CCT2: variants seen among roughly 807,000 people sequenced by gnomAD.
CCT2 encodes the protein chaperonin containing TCP1 subunit 2, also known as T-complex protein 1 subunit beta.
Under a neutral mutation model 61.8 loss-of-function variants are expected in CCT2, and 18 were observed. That is an observed-to-expected ratio of 0.29 (90% CI 0.20 to 0.43). The LOEUF (loss-of-function observed/expected upper bound fraction) is 0.43, where lower values mean the gene tolerates loss of function less well. Among genes scored for constraint, CCT2 ranks in the 20% least tolerant of loss-of-function variants. The pLI is 1.00. For synonymous variants in CCT2, 248 were observed against 215.9 expected (o/e 1.15, Z -1.30); for missense variants, 556 against 656.9 (o/e 0.85, Z 1.68).
Position 69,592,039 on chromosome 12 carries a change from T to A in CCT2, c.650-20T>A. The A allele has an allele frequency of 7.5e-7, 1 of 1,333,346 alleles. No homozygotes were observed. The highest frequency in any genetic ancestry group is 1.1e-6 in the Non-Finnish European group (1 of 927,438). 82.6% of individuals were successfully genotyped at this position (1,333,346 alleles called of 1,614,324 possible). On this transcript the variant is annotated intron_variant, in intron 7 of 15. Transcript: ENST00000299300. Reference sequence around the variant, plus strand: ...TGCTTTGAAGTATTAAATATGATACTGTTCTTATATTTATTGTAGGCTTCC... The same window carrying A: ...TGCTTTGAAGTATTAAATATGATACAGTTCTTATATTTATTGTAGGCTTCC...
intron 6 of CCT2, among the ~76,000 whole-genome samples, chr12:69,588,817 A>G (rs1395931011): frequency 6.6e-6 from 1 of 152,240 alleles, no homozygotes; most frequent in Non-Finnish European, 1.5e-5. Context: ...TTGTCTTCCC[A>G]TGAAACCAGT....
chr12:69,593,627 G>A lies in CCT2; in HGVS notation c.982+14G>A, dbSNP rs749368597. 2.0e-6 allele frequency: 3 copies of A among 1,520,954 alleles called. No homozygotes were observed. The highest frequency in any genetic ancestry group is 2.3e-5 in the East Asian group (1 of 44,332). The allele number at this position is 1,520,954 out of a possible 1,614,324, so 94.2% of individuals were successfully genotyped here. ...CTCTTGTCACAGGTATGGAAAAAAG[G>A]TATTGTTTTCTAACAAACACAATAG... On this transcript the variant is annotated intron_variant, in intron 10 of 15. Coordinates refer to ENST00000299300, the MANE Select transcript of CCT2 (RefSeq NM_006431.3).
At position 69,592,129 on chromosome 12, in the gene CCT2, A is replaced by G. The variant is rs1335781494; in HGVS notation, c.720A>G (p.Ala240=). 1.9e-6 allele frequency: 3 copies of G among 1,586,604 alleles called. No individual in the cohort carries two copies. The African/African-American group carries it at 4.0e-5, about 21-fold the overall frequency. ...KRIENAKILI[A]NTGMDTDKIK... ...TTGAAAATGCTAAAATTCTTATTGC[A>G]AATACTGGTATGGATACAGACAAAA... Residue 240 remains alanine, a synonymous_variant, in exon 8 of 16, where the codon GCA becomes GCG. Coordinates refer to ENST00000299300, the MANE Select transcript of CCT2 (RefSeq NM_006431.3).
chr12:69,588,309 A>G (rs770712553), intron 6 of CCT2, 47 bp downstream of exon 6: 6 of 1,334,862 alleles, frequency 4.5e-6, no homozygotes, highest in Non-Finnish European at 6.5e-6. Flanking sequence ...GTGTTCTTTC[A>G]TAACATGCTT....
intron 15 of CCT2, 64 bp from the exon 16 acceptor site, chr12:69,601,231 A>G (rs190726265): frequency 1.7e-4 from 218 of 1,310,052 alleles, no homozygotes; most frequent in Middle Eastern, 3.8e-4. Context: ...TGTATTTAGT[A>G]TAATACTTTG....
intron 3 of CCT2, 104 bp downstream of exon 3, chr12:69,586,922 A>C: frequency 1.4e-6 from 1 of 704,040 alleles, no homozygotes; most frequent in African/African-American, 1.9e-5. Flanking sequence ...TAAAACGTTT[A>C]ATTATAAAAG....
In CCT2 at chr12:69,587,640, C is replaced by T. The variant is rs1257661164; in HGVS notation, c.256+24C>T. ...TGGTAAGTCTGAATATACTTTTTCACCAACCTAATAATACTGTTTGTTAAC... is the reference window on the plus strand; with the variant it reads ...TGGTAAGTCTGAATATACTTTTTCATCAACCTAATAATACTGTTTGTTAAC... On this transcript the variant is annotated intron_variant, in intron 4 of 15. Transcript: ENST00000299300. The T allele has an allele frequency of 3.6e-6, 5 of 1,370,030 alleles. No individual in the cohort carries two copies. In the African/African-American group the frequency reaches 5.7e-5, roughly 16 times the overall value. 84.9% of individuals were successfully genotyped at this position (1,370,030 alleles called of 1,614,324 possible). A position where few individuals can be genotyped will look rare whatever the true frequency, so the allele number is the denominator to read the frequency against.
At position 69,587,568 on chromosome 12, in the gene CCT2, A is replaced by G. The variant is rs1881703095; in HGVS notation, c.208A>G (p.Ile70Val). The G allele has an allele frequency of 1.2e-6, 2 of 1,613,794 alleles. No homozygotes were observed. Among genetic ancestry groups the G allele is most frequent in the Non-Finnish European group, 1.7e-6 (2 of 1,179,800 alleles). Reference protein sequence around the residue: ...SLMVTNDGATILKNIGVDNPA... With the variant: ...SLMVTNDGATVLKNIGVDNPA... ...TATGGTAACCAATGATGGTGCCACT[A>G]TTCTAAAAAACATTGGTGTTGACAA... Residue 70 changes from isoleucine to valine, a missense_variant, in exon 4 of 16, where the codon ATT becomes GTT. Around this residue, in one of 3 missense-constraint regions of CCT2, gnomAD observed 308 missense variants for 350.6 expected, o/e 0.88. Transcript: ENST00000299300.
intron 6 of CCT2, 26 bp downstream of exon 6, chr12:69,588,288 C>G (rs759340578): frequency 1.2e-5 from 17 of 1,464,942 alleles, no homozygotes; most frequent in African/African-American, 2.8e-5. Flanking sequence ...TACTACTGTT[C>G]TAAACATTTA....
chr12:69,586,097 CCT>C (rs996323228), intron 1 of CCT2, 171 bp from the exon 2 acceptor site: 2 of 1,205,840 alleles, frequency 1.7e-6, no homozygotes, highest in Non-Finnish European at 1.1e-6. Flanking sequence ...CCTACAAGTC[CCT>C]CTCTCCCACT....
intron 1 of CCT2, chr12:69,586,012 A>G: frequency 7.3e-7 from 1 of 1,363,970 alleles, no homozygotes; most frequent in Non-Finnish European, 9.4e-7. Flanking sequence ...GTCTCGCTGT[A>G]CGTAACTGTC....
chr12:69,587,550 A>G lies in CCT2; in HGVS notation c.190A>G (p.Thr64Ala). 6.2e-7 allele frequency: 1 copy of G among 1,613,900 alleles called. No individual in the cohort carries two copies. Among genetic ancestry groups the G allele is most frequent in the South Asian group, 1.1e-5 (1 of 91,074 alleles). The change falls in exon 4 of 16, where the codon ACC becomes GCC. Residue 64 changes from threonine to alanine, a missense_variant. Around this residue, in one of 3 missense-constraint regions of CCT2, gnomAD observed 308 missense variants for 350.6 expected, o/e 0.88. Transcript: ENST00000299300. The part of the protein sequence containing the change: ...SSGRDASLMV[T>A]NDGATILKNI... Reference sequence around the variant, plus strand: ...TGGACGAGATGCCTCTCTTATGGTAACCAATGATGGTGCCACTATTCTAAA... The same window carrying G: ...TGGACGAGATGCCTCTCTTATGGTAGCCAATGATGGTGCCACTATTCTAAA...
Position 69,598,333 on chromosome 12 carries a change from C to T in CCT2, c.1347C>T (p.Ile449=). ...CTTCATTTTCATAGTTGCCAACCAT[C>T]ATAGCTGACAATGCAGGCTATGACA... ...YAKALRMLPT[I]IADNAGYDSA... Residue 449 remains isoleucine, a synonymous_variant, in exon 14 of 16, where the codon ATC becomes ATT. Transcript: ENST00000299300. 1 of 1,587,042 alleles carries T rather than the reference C, an allele frequency of 6.3e-7. No individual in the cohort carries two copies. Among genetic ancestry groups the T allele is most frequent in the East Asian group, 2.2e-5 (1 of 44,514 alleles).
chr12:69,587,654 CTGTT>C, intron 4 of CCT2, 38 bp downstream of exon 4: 1 of 1,266,872 alleles, frequency 7.9e-7, no homozygotes, highest in African/African-American at 1.5e-5. Flanking sequence ...CCTAATAATA[CTGTT>C]TGTTAACATT....
At chr12:69,588,077 C>T (rs2135850076) in intron 5 of CCT2, 71 bp downstream of exon 5, 2 of 1,541,782 alleles carry the variant, frequency 1.3e-6, no homozygotes, top group South Asian at 1.1e-5. Context: ...GTCCTTACTT[C>T]CTCTGTCTTT....
intron 1 of CCT2, chr12:69,585,966 C>G (rs1191531398): frequency 9.2e-6 from 12 of 1,300,452 alleles, no homozygotes; most frequent in Non-Finnish European, 9.8e-6. Context: ...GCCTGCAACC[C>G]CTCCCTGCCT....
intron 6 of CCT2, chr12:69,589,023 G>T (rs974005416): frequency 6.1e-6 from 1 of 164,546 alleles, no homozygotes; most frequent in Admixed American, 6.2e-5. Flanking sequence ...CTGCCTCCCG[G>T]GTTCAAGCGA....
In CCT2 at chr12:69,594,877, CT is replaced by C. The variant is rs1881942667; in HGVS notation, c.982+1269del. ...AAAAAAAAAAAATGCAGCTTGTTTG[CT>C]TTTTATTGTGGTAATGGTTTAAAAA... On this transcript the variant is annotated intron_variant, in intron 10 of 15. Transcript: ENST00000299300. 2.0e-5 allele frequency among the ~76,000 whole-genome samples: 3 copies of C among 149,524 alleles called. No individual in the cohort carries two copies. In the South Asian group the frequency reaches 6.3e-4, roughly 31 times the overall value.
chr12:69,588,027 CTTT>C, intron 5 of CCT2, 21 bp downstream of exon 5: 1 of 1,602,380 alleles, frequency 6.2e-7, no homozygotes, highest in Non-Finnish European at 8.6e-7. Flanking sequence ...CTAAGCAACT[CTTT>C]TTTCCTACTG....
Sources: gnomAD v4.1 joint callset for allele counts (sites outside exome capture counted in the v4.1 genomes callset) on GRCh38, gnomAD v4.1.1 for gene constraint, gnomAD v4.1.1 regional missense constraint, MANE v1.5 for transcripts, NCBI Gene and HGNC (gene_info 2026-07-23, HGNC 2026-07-21) for gene names.